PARD3: variants seen among roughly 807,000 people sequenced by gnomAD.
PARD3 encodes the protein partitioning defective 3 homolog.
PARD3 carries 75 observed loss-of-function variants against 155.4 expected under a neutral mutation model. The ratio of observed to expected loss-of-function variants is 0.48; its 90% confidence interval spans 0.40 to 0.58. The LOEUF (loss-of-function observed/expected upper bound fraction) is 0.58, where lower values mean the gene tolerates loss of function less well. Ranked by LOEUF, PARD3 falls within the 20% of genes least tolerant of loss-of-function variation. The pLI, the probability that PARD3 is intolerant of heterozygous loss-of-function variation, is 0.00. For missense variants in PARD3, 1,642 were observed against 1,721.7 expected, an observed-to-expected ratio of 0.95 and a Z score of 0.82; for synonymous variants, 576 against 610.5, an observed-to-expected ratio of 0.94 and a Z score of 0.83.
chr10:34,602,649 G>C (rs1365774916), intron 2 of PARD3, among the ~76,000 whole-genome samples: 1 of 152,214 alleles, frequency 6.6e-6, no homozygotes, highest in East Asian at 1.9e-4. Context: ...GATGTAATAT[G>C]AGAAAAGCAG....
At chr10:34,120,637 G>C (rs918874748) in intron 23 of PARD3, among the ~76,000 whole-genome samples, 2 of 152,026 alleles carry the variant, frequency 1.3e-5, no homozygotes, top group Non-Finnish European at 2.9e-5. Context: ...GTACCAACAG[G>C]TCTCCTGCAA....
At chr10:34,212,663 G>GT (rs1400497512) in intron 22 of PARD3, among the ~76,000 whole-genome samples, 1 of 152,022 alleles carries the variant, frequency 6.6e-6, no homozygotes, top group Non-Finnish European at 1.5e-5. Flanking sequence ...AGTTGGGGCA[G>GT]GGGGGGTTCT....
intron 10 of PARD3, among the ~76,000 whole-genome samples, chr10:34,375,682 A>G (rs1476863860): frequency 6.6e-6 from 1 of 152,196 alleles, no homozygotes; most frequent in Non-Finnish European, 1.5e-5. Context: ...AAAGCACTAT[A>G]TACTCCACAG....
At chr10:34,217,730 G>C (rs1952073137) in intron 22 of PARD3, among the ~76,000 whole-genome samples, 2 of 152,080 alleles carry the variant, frequency 1.3e-5, no homozygotes, top group Non-Finnish European at 2.9e-5. Context: ...TGAATCGTGG[G>C]ATATTTATTC....
chr10:34,147,530 C>A (rs1324184434), intron 22 of PARD3, among the ~76,000 whole-genome samples: 2 of 151,304 alleles, frequency 1.3e-5, no homozygotes, highest in Non-Finnish European at 2.9e-5. Context: ...GGATAAAAAC[C>A]TTTTGATCTT....
At chr10:34,755,002 G>C in intron 1 of PARD3, among the ~76,000 whole-genome samples, 1 of 152,132 alleles carries the variant, frequency 6.6e-6, no homozygotes, top group Non-Finnish European at 1.5e-5. Flanking sequence ...GGAAAGTTTT[G>C]GTCAATGTGA....
At chr10:34,786,277 T>A (rs1373320816) in intron 1 of PARD3, among the ~76,000 whole-genome samples, 1 of 152,240 alleles carries the variant, frequency 6.6e-6, no homozygotes, top group Non-Finnish European at 1.5e-5. Context: ...TGTCAGAGTT[T>A]CCACTACATG....
chr10:34,325,738 G>C (rs1834942847), intron 19 of PARD3, among the ~76,000 whole-genome samples: 1 of 152,128 alleles, frequency 6.6e-6, no homozygotes, highest in Non-Finnish European at 1.5e-5. Flanking sequence ...TCATATTCTA[G>C]AAAAACCACA....
intron 1 of PARD3, among the ~76,000 whole-genome samples, chr10:34,722,213 T>C (rs1256818392): frequency 2.6e-5 from 4 of 151,886 alleles, no homozygotes; most frequent in South Asian, 2.1e-4. Flanking sequence ...TTTTGAGACA[T>C]ATATTTATAT....
At chr10:34,664,919 A>G (rs2093413093) in intron 2 of PARD3, among the ~76,000 whole-genome samples, 1 of 152,032 alleles carries the variant, frequency 6.6e-6, no homozygotes, top group Non-Finnish European at 1.5e-5. Flanking sequence ...CTTCTCTTCT[A>G]TGATGGCTTA....
At position 34,623,975 on chromosome 10, in the gene PARD3, G is replaced by A. The variant is rs574827535; in HGVS notation, c.222+72343C>T. Among the ~76,000 whole-genome samples, 194 of 143,514 alleles carry A rather than the reference G, an allele frequency of 1.4e-3. 1 individual carries two copies. Among genetic ancestry groups the A allele is most frequent in the African/African-American group, 4.9e-3 (175 of 35,376 alleles). The allele number at this position is 143,514 out of a possible 152,430, so 94.2% of individuals were successfully genotyped here. A position where few individuals can be genotyped will look rare whatever the true frequency, so the allele number is the denominator to read the frequency against. On this transcript the variant is annotated intron_variant, in intron 2 of 24. Transcript: ENST00000374788. ...AGCCTGGGCCACAGAGCAAGACTCC[G>A]TCTCAAAAAAAAAAAAAAAAGTCAG...
At chr10:34,271,927 C>T (rs561173101) in intron 21 of PARD3, among the ~76,000 whole-genome samples, 2 of 152,256 alleles carry the variant, frequency 1.3e-5, no homozygotes, top group South Asian at 4.1e-4. Flanking sequence ...ATTAAAAATG[C>T]AATGCTATTT....
intron 2 of PARD3, among the ~76,000 whole-genome samples, chr10:34,679,623 G>A (rs965427328): frequency 3.3e-5 from 5 of 152,130 alleles, no homozygotes; most frequent in Admixed American, 6.6e-5. Flanking sequence ...CAAGCATTAC[G>A]AATTAGGAGT....
At chr10:34,442,571 AAAAG>A (rs1230306387) in intron 5 of PARD3, among the ~76,000 whole-genome samples, 5 of 152,368 alleles carry the variant, frequency 3.3e-5, no homozygotes, top group African/African-American at 4.8e-5. Context: ...TCGTTAAAAA[AAAAG>A]AAAGAAAGAA....
At chr10:34,184,141 T>C (rs1402538684) in intron 22 of PARD3, among the ~76,000 whole-genome samples, 2 of 152,180 alleles carry the variant, frequency 1.3e-5, no homozygotes, top group Non-Finnish European at 2.9e-5. Context: ...ATACTGGGAA[T>C]AGTGAACTGA....
chr10:34,370,172 A>G (rs1840434378), intron 12 of PARD3, among the ~76,000 whole-genome samples: 1 of 152,188 alleles, frequency 6.6e-6, no homozygotes, highest in Non-Finnish European at 1.5e-5. Flanking sequence ...CTATACTTTT[A>G]ACTTTGTTTG....
chr10:34,362,278 GAC>G (rs1839524700), intron 12 of PARD3, among the ~76,000 whole-genome samples: 1 of 152,044 alleles, frequency 6.6e-6, no homozygotes, highest in Non-Finnish European at 1.5e-5. Context: ...CAGCCTGGGC[GAC>G]AGAGCAAGAC....
rs138719349 is a variant in PARD3, at chr10:34,196,795, T to A, written c.3420-65212A>T. ...ACACCGTGTTAGCCAGGATGGTCTC[T>A]ATCTCCTGACCTCATGATCCGCCCA... On this transcript the variant is annotated intron_variant, in intron 22 of 24. Coordinates refer to ENST00000374788, the MANE Select transcript of PARD3 (RefSeq NM_001184785.2). Among the ~76,000 whole-genome samples, 74 of 152,098 alleles carry A rather than the reference T, an allele frequency of 4.9e-4. No individual in the cohort carries two copies. The East Asian group carries it at 9.9e-3, about 20-fold the overall frequency.
At position 34,145,207 on chromosome 10, in the gene PARD3, ATATATATATATATATT is replaced by A. The variant is rs1218844137; in HGVS notation, c.3420-13640_3420-13625del. 3.3e-3 allele frequency among the ~76,000 whole-genome samples: 208 copies of A among 63,048 alleles called. 2 individuals carry two copies. Among genetic ancestry groups the A allele is most frequent in the African/African-American group, 0.017 (195 of 11,440 alleles). 41.4% of individuals were successfully genotyped at this position (63,048 alleles called of 152,430 possible). On this transcript the variant is annotated intron_variant, in intron 22 of 24. Coordinates refer to ENST00000374788, the MANE Select transcript of PARD3 (RefSeq NM_001184785.2). Reference sequence around the variant, plus strand: ...TGTGTGTGTATATATATATATATATATATATATATATATATTTTTTTTTTTTTTTTTTTTACAGGAT... The same window carrying A: ...TGTGTGTGTATATATATATATATATATTTTTTTTTTTTTTTTTTACAGGAT...
Sources: allele counts gnomAD v4.1 joint callset (sites outside exome capture counted in the v4.1 genomes callset), GRCh38; gene constraint gnomAD v4.1.1; transcripts MANE v1.5; gene names NCBI Gene and HGNC (gene_info 2026-07-23, HGNC 2026-07-21).